The following EPHA7 variants were observed in gnomAD, a reference collection of about 807,000 sequenced individuals.
EPHA7 encodes the protein ephrin type-A receptor 7.
A neutral mutation model predicts 112.6 loss-of-function variants in EPHA7; 25 were observed. The observed-to-expected ratio is 0.22, with a 90% CI of 0.16 to 0.31. EPHA7 has a LOEUF of 0.31. EPHA7 is among the 10% of genes least tolerant of loss of function. The pLI, the probability that EPHA7 is intolerant of heterozygous loss-of-function variation, is 1.00. For synonymous variants in EPHA7, 437 were observed against 406.5 expected (o/e 1.07, Z -0.90); for missense variants, 962 against 1,212.6 (o/e 0.79, Z 3.07).
Position 93,314,863 on chromosome 6 carries a change from T to C in EPHA7, c.1324+41854A>G, listed in dbSNP as rs944243642. On this transcript the variant is annotated intron_variant, in intron 5 of 16. Transcript: ENST00000369303. ...AAGACTGACAATATAATTTTCTTTT[T>C]TTTTTTTTTTTTTTTTTGAGACGGA... Among the ~76,000 whole-genome samples the C allele has an allele frequency of 8.4e-3, 1,164 of 139,308 alleles. 29 individuals are homozygous for C. Among genetic ancestry groups the C allele is most frequent in the Admixed American group, 0.054 (755 of 14,106 alleles). The allele number at this position is 139,308 out of a possible 152,430, so 91.4% of individuals were successfully genotyped here.
At chr6:93,315,750 C>CCG (rs1201430113) in intron 5 of EPHA7, among the ~76,000 whole-genome samples, 2 of 152,140 alleles carry the variant, frequency 1.3e-5, no homozygotes, top group Non-Finnish European at 2.9e-5. Flanking sequence ...CTAAGAAGTA[C>CCG]TGTGTTTTGT....
chr6:93,363,279 A>G (rs531827310), intron 3 of EPHA7, among the ~76,000 whole-genome samples: 1 of 151,878 alleles, frequency 6.6e-6, no homozygotes, highest in South Asian at 2.1e-4. Flanking sequence ...AGAATACATG[A>G]TAATAAAATA....
At position 93,259,357 on chromosome 6, in the gene EPHA7, C is replaced by A. The variant is rs992785889; in HGVS notation, c.1921G>T (p.Ala641Ser). The A allele has an allele frequency of 1.2e-6, 2 of 1,611,498 alleles. No homozygotes were observed. Among genetic ancestry groups the A allele is most frequent in the African/African-American group, 1.3e-5 (1 of 74,912 alleles). Residue 641 changes from alanine to serine, a missense_variant, in exon 10 of 17, where the codon GCA becomes TCA. Around this residue, in one of 3 missense-constraint regions of EPHA7, gnomAD observed 746 missense variants for 889.2 expected, o/e 0.84. Coordinates refer to ENST00000369303, the MANE Select transcript of EPHA7 (RefSeq NM_004440.4). The part of the protein sequence containing the change: ...SCIKIERVIG[A>S]GEFGEVCSGR... ...GAGGAAGCTACAATAGCCTTACCTG[C>A]ACCAATCACACGCTCAATTTTAATA...
At chr6:93,394,917 T>C (rs1778092099) in intron 3 of EPHA7, among the ~76,000 whole-genome samples, 1 of 151,832 alleles carries the variant, frequency 6.6e-6, no homozygotes, top group Non-Finnish European at 1.5e-5. Context: ...ATCACTATTT[T>C]TCATTTCTGC....
chr6:93,244,813 G>A (rs1171566473), intron 16 of EPHA7, among the ~76,000 whole-genome samples: 1 of 152,052 alleles, frequency 6.6e-6, no homozygotes, highest in Non-Finnish European at 1.5e-5. Context: ...ATGCATTTCA[G>A]CATTGAGTAT....
intron 9 of EPHA7, 95 bp downstream of exon 9, chr6:93,263,765 G>C: frequency 2.3e-6 from 2 of 862,348 alleles, no homozygotes; most frequent in South Asian, 3.4e-5. Flanking sequence ...ATAATTTCAA[G>C]CATGATGCAT....
rs150790121 is a variant in EPHA7 at position 93,383,321 on chromosome 6, TTGTGTG to T, written c.833-24916_833-24911del. On this transcript the variant is annotated intron_variant, in intron 3 of 16. Coordinates refer to ENST00000369303, the MANE Select transcript of EPHA7 (RefSeq NM_004440.4). ...ACAATGACTTATATCAGAACTCATT[TTGTGTG>T]TGTGTGTGTGTGTGTATAATTTAAT... Among the ~76,000 whole-genome samples, 22 of 146,546 alleles carry T rather than the reference TTGTGTG, an allele frequency of 1.5e-4. No individual in the cohort carries two copies. The East Asian group carries it at 3.4e-3, about 23-fold the overall frequency.
chr6:93,254,803 T>C lies in EPHA7; in HGVS notation c.2383-7A>G, dbSNP rs929021740. ...TTACTGGAATTTTTCCACCCTGTTA[T>C]AAAAAGAAATGAACATTTTAAATAT... On this transcript the variant is annotated splice_region_variant and splice_polypyrimidine_tract_variant and intron_variant, in intron 13 of 16. Coordinates refer to ENST00000369303, the MANE Select transcript of EPHA7 (RefSeq NM_004440.4). The C allele has an allele frequency of 5.0e-6, 8 of 1,608,034 alleles. No homozygotes were observed. Among genetic ancestry groups the C allele is most frequent in the Non-Finnish European group, 5.9e-6 (7 of 1,176,772 alleles).
At chr6:93,263,756 T>A (rs896765196) in intron 9 of EPHA7, 104 bp downstream of exon 9, 11 of 770,642 alleles carry the variant, frequency 1.4e-5, no homozygotes, top group South Asian at 1.4e-4. Flanking sequence ...GCTCATGGTA[T>A]AATTTCAAGC....
intron 5 of EPHA7, among the ~76,000 whole-genome samples, chr6:93,275,142 A>T (rs964224263): frequency 2.6e-5 from 4 of 151,902 alleles, no homozygotes; most frequent in South Asian, 2.1e-4. Context: ...AATGAAATAT[A>T]CAAGTGACAA....
At chr6:93,334,869 A>G (rs1774782868) in intron 5 of EPHA7, among the ~76,000 whole-genome samples, 1 of 152,110 alleles carries the variant, frequency 6.6e-6, no homozygotes, top group Non-Finnish European at 1.5e-5. Context: ...TGCGATGTGT[A>G]GCTCATATTT....
intron 3 of EPHA7, among the ~76,000 whole-genome samples, chr6:93,391,931 C>T (rs753129529): frequency 2.7e-4 from 41 of 151,634 alleles, no homozygotes; most frequent in Non-Finnish European, 4.9e-4. Context: ...GTTTTTGACT[C>T]ATTATAGTGT....
intron 3 of EPHA7, among the ~76,000 whole-genome samples, chr6:93,379,272 C>T (rs1777217918): frequency 6.6e-6 from 1 of 151,960 alleles, no homozygotes; most frequent in Admixed American, 6.6e-5. Context: ...TTGCCTCTTC[C>T]TCCAAAACAT....
intron 16 of EPHA7, among the ~76,000 whole-genome samples, chr6:93,243,986 T>C (rs1769798859): frequency 6.6e-6 from 1 of 152,118 alleles, no homozygotes; most frequent in Non-Finnish European, 1.5e-5. Context: ...ACCATGTAAG[T>C]TTTTATACTG....
chr6:93,315,286 C>T (rs767900666), intron 5 of EPHA7, among the ~76,000 whole-genome samples: 2 of 152,020 alleles, frequency 1.3e-5, no homozygotes, highest in Non-Finnish European at 2.9e-5. Context: ...AAAATATGTA[C>T]CACTTAGGTA....
chr6:93,273,071 C>T (rs982175173), intron 5 of EPHA7, among the ~76,000 whole-genome samples: 2 of 151,876 alleles, frequency 1.3e-5, no homozygotes, highest in African/African-American at 2.4e-5. Context: ...TTTATACCTA[C>T]GTAACCTAGG....
intron 3 of EPHA7, among the ~76,000 whole-genome samples, chr6:93,404,598 T>G (rs1778599026): frequency 6.7e-6 from 1 of 149,854 alleles, no homozygotes; most frequent in Non-Finnish European, 1.5e-5. Context: ...ACCATATATA[T>G]GTATACATGT....
At chr6:93,292,864 G>A (rs1772452034) in intron 5 of EPHA7, among the ~76,000 whole-genome samples, 2 of 152,080 alleles carry the variant, frequency 1.3e-5, no homozygotes, top group Non-Finnish European at 2.9e-5. Context: ...AGATAAATCT[G>A]CGCTCCTGCC....
At chr6:93,409,054 G>T (rs966481217) in intron 3 of EPHA7, among the ~76,000 whole-genome samples, 2 of 151,650 alleles carry the variant, frequency 1.3e-5, no homozygotes, top group African/African-American at 2.4e-5. Flanking sequence ...ATGTTTAATA[G>T]TCATTTTTCA....
Sources: gnomAD v4.1 joint callset for allele counts (sites outside exome capture counted in the v4.1 genomes callset) on GRCh38, gnomAD v4.1.1 for gene constraint, gnomAD v4.1.1 regional missense constraint, MANE v1.5 for transcripts, NCBI Gene and HGNC (gene_info 2026-07-23, HGNC 2026-07-21) for gene names.